The following NOSTRIN variants were observed in gnomAD, a reference collection of about 807,000 sequenced individuals.
The protein encoded by NOSTRIN is nitric oxide synthase trafficking, also known as BM247 homolog.
Under a neutral mutation model 59.0 loss-of-function variants are expected in NOSTRIN, and 63 were observed. That is an observed-to-expected ratio of 1.07 (90% CI 0.87 to 1.32). The LOEUF is 1.32. Ranked by LOEUF, NOSTRIN falls within the 40% of genes most tolerant of loss-of-function variation. The pLI, the probability that NOSTRIN is intolerant of heterozygous loss-of-function variation, is 0.00. For missense variants in NOSTRIN, 512 were observed against 473.1 expected (o/e 1.08, Z -0.76); for synonymous variants, 200 against 165.4 (o/e 1.21, Z -1.61).
chr2:168,834,159 A>G, intron 6 of NOSTRIN, 68 bp from the exon 7 acceptor site: 1 of 796,688 alleles, frequency 1.3e-6, no homozygotes, highest in African/African-American at 1.7e-5. Context: ...TTGTTCCAAA[A>G]GAGGAGAGTT....
rs188453356 is a variant in NOSTRIN, at chr2:168,811,182, T to G, written c.28-385T>G. Reference sequence around the variant, plus strand: ...GTCATGAGCCCCAGAAATATTATTTTGAAGTTTATATGTGCAGGAGGGGCA... The same window carrying G: ...GTCATGAGCCCCAGAAATATTATTTGGAAGTTTATATGTGCAGGAGGGGCA... On this transcript the variant is annotated intron_variant, in intron 1 of 15. Coordinates refer to ENST00000317647, the MANE Select transcript of NOSTRIN (RefSeq NM_001039724.4). 3.8e-4 allele frequency among the ~76,000 whole-genome samples: 58 copies of G among 152,252 alleles called. No individual in the cohort carries two copies. In the East Asian group the frequency reaches 8.3e-3, roughly 22 times the overall value.
chr2:168,804,838 C>A (rs1685764751), intron 1 of NOSTRIN, among the ~76,000 whole-genome samples: 2 of 152,040 alleles, frequency 1.3e-5, no homozygotes, highest in Admixed American at 1.3e-4. Context: ...GGCAACAAGC[C>A]CCAATACTAT....
intron 15 of NOSTRIN, among the ~76,000 whole-genome samples, chr2:168,862,972 C>T (rs1451434482): frequency 6.6e-6 from 1 of 152,158 alleles, no homozygotes; most frequent in Non-Finnish European, 1.5e-5. Context: ...GTTTCCTTTG[C>T]AGCATTTGCC....
At chr2:168,792,277 G>A (rs1232565179) in intron 2 of NOSTRIN, among the ~76,000 whole-genome samples, 1 of 152,014 alleles carries the variant, frequency 6.6e-6, no homozygotes, top group African/African-American at 2.4e-5. Flanking sequence ...GTCATAAAGT[G>A]TTACAAGTGA....
chr2:168,798,630 A>G (rs1685543119), upstream of NOSTRIN, among the ~76,000 whole-genome samples: 1 of 152,226 alleles, frequency 6.6e-6, no homozygotes, highest in African/African-American at 2.4e-5. Context: ...AGGAGAGGTC[A>G]GACAGTAAAT....
chr2:168,857,822 T>C (rs1559142050), intron 12 of NOSTRIN, among the ~76,000 whole-genome samples: 2 of 152,164 alleles, frequency 1.3e-5, no homozygotes, highest in South Asian at 2.1e-4. Flanking sequence ...TACTTGATAA[T>C]TGTACCCAGA....
intron 2 of NOSTRIN, among the ~76,000 whole-genome samples, chr2:168,817,131 C>G (rs1471726035): frequency 1.3e-5 from 2 of 152,204 alleles, no homozygotes; most frequent in African/African-American, 4.8e-5. Flanking sequence ...CTCTCCATTT[C>G]TGATTTACAG....
At chr2:168,814,152 T>C (rs1418748431) in intron 2 of NOSTRIN, among the ~76,000 whole-genome samples, 3 of 152,208 alleles carry the variant, frequency 2.0e-5, no homozygotes, top group Non-Finnish European at 4.4e-5. Flanking sequence ...CATTTCTGTG[T>C]ATTAGCAGGC....
intron 2 of NOSTRIN, among the ~76,000 whole-genome samples, chr2:168,815,148 C>G (rs1686332332): frequency 6.6e-6 from 1 of 152,178 alleles, no homozygotes; most frequent in Non-Finnish European, 1.5e-5. Context: ...CAGCTGCCCT[C>G]TTGCACTTAA....
chr2:168,851,765 C>G (rs1175641667), intron 10 of NOSTRIN, among the ~76,000 whole-genome samples: 3 of 152,152 alleles, frequency 2.0e-5, no homozygotes, highest in Non-Finnish European at 4.4e-5. Flanking sequence ...TTACCGCTCC[C>G]CACCCCCACC....
At chr2:168,840,180 A>G (rs949014848) in intron 7 of NOSTRIN, among the ~76,000 whole-genome samples, 4 of 151,942 alleles carry the variant, frequency 2.6e-5, no homozygotes, top group African/African-American at 9.7e-5. Context: ...TTGCCAGGTT[A>G]ATGTTCACAA....
At chr2:168,832,948 C>A (rs187322039) in intron 6 of NOSTRIN, among the ~76,000 whole-genome samples, 1 of 152,140 alleles carries the variant, frequency 6.6e-6, no homozygotes, top group East Asian at 1.9e-4. Context: ...TTTAAAAATC[C>A]ATTTTCTTTT....
Position 168,809,769 on chromosome 2 carries a change from TAAATAATAA to T in NOSTRIN, c.28-1785_28-1777del, listed in dbSNP as rs1333632157. On this transcript the variant is annotated intron_variant, in intron 1 of 15. Transcript: ENST00000317647. ...ATATTTATATATTAAATATAAAAAA[TAAATAATAA>T]AAATAATAAAAAGTTAGTTTTATTG... 2.7e-5 allele frequency among the ~76,000 whole-genome samples: 4 copies of T among 148,004 alleles called. No individual in the cohort carries two copies. In the East Asian group the frequency reaches 5.9e-4, roughly 22 times the overall value.
At chr2:168,838,779 A>T (rs1437513222) in intron 7 of NOSTRIN, among the ~76,000 whole-genome samples, 3 of 134,730 alleles carry the variant, frequency 2.2e-5, no homozygotes, top group South Asian at 2.4e-4. Flanking sequence ...CAGAATAAAT[A>T]AAAAAAACTC....
rs376189832 is a variant in NOSTRIN at position 168,860,940 on chromosome 2, G to T, written c.1294+31G>T. 6 of 1,412,060 alleles carry T rather than the reference G, an allele frequency of 4.2e-6. No individual in the cohort carries two copies. The African/African-American group carries it at 7.1e-5, about 17-fold the overall frequency. The allele number at this position is 1,412,060 out of a possible 1,614,324, so 87.5% of individuals were successfully genotyped here. A position where few individuals can be genotyped will look rare whatever the true frequency, so the allele number is the denominator to read the frequency against. ...CCCATGCCCACAATCATTTTGGCCT[G>T]GGTCCTACTGGCAGGGCACATTGCT... is the stretch of plus-strand genomic sequence containing the variant. On this transcript the variant is annotated intron_variant, in intron 14 of 15. Transcript: ENST00000317647.
chr2:168,788,008 A>G (rs1685249430), exon 2 of NOSTRIN: 1 of 152,130 alleles, frequency 6.6e-6, no homozygotes, highest in Admixed American at 6.6e-5. Flanking sequence ...GGGGGATGAG[A>G]AGAAGAAGAT....
At chr2:168,830,570 G>A (rs2105646408) in intron 5 of NOSTRIN, among the ~76,000 whole-genome samples, 1 of 152,288 alleles carries the variant, frequency 6.6e-6, no homozygotes, top group African/African-American at 2.4e-5. Flanking sequence ...CTGATCTGCT[G>A]GGTCTGTGTT....
At chr2:168,859,775 GTTTTTA>G (rs1689331390) in intron 13 of NOSTRIN, 138 bp downstream of exon 13, 2 of 1,193,828 alleles carry the variant, frequency 1.7e-6, no homozygotes, top group Non-Finnish European at 1.1e-6. Flanking sequence ...GAAGATAAAT[GTTTTTA>G]TTTTTCTTTT....
At chr2:168,834,546 A>G (rs1034576843) in intron 7 of NOSTRIN, among the ~76,000 whole-genome samples, 3 of 85,806 alleles carry the variant, frequency 3.5e-5, no homozygotes, top group Non-Finnish European at 7.3e-5. Flanking sequence ...CACACACCAC[A>G]TACATTTTAA....
Sources: gnomAD v4.1 joint callset for allele counts (sites outside exome capture counted in the v4.1 genomes callset) on GRCh38, gnomAD v4.1.1 for gene constraint, MANE v1.5 for transcripts, NCBI Gene and HGNC (gene_info 2026-07-23, HGNC 2026-07-21) for gene names.